PTPRF: variants seen among roughly 807,000 people sequenced by gnomAD.
The protein encoded by PTPRF is protein tyrosine phosphatase receptor type F, also known as receptor-type tyrosine-protein phosphatase F.
In PTPRF, 59 loss-of-function variants were observed where a neutral mutation model predicts 201.8. That is an observed-to-expected ratio of 0.29 (90% CI 0.24 to 0.36). PTPRF has a LOEUF of 0.36. Among genes scored for constraint, PTPRF ranks in the 10% least tolerant of loss-of-function variants. The probability of loss-of-function intolerance (pLI) is 1.00; values close to 1 mark genes in which losing one functional copy is unlikely to be tolerated. For missense variants in PTPRF, 2,132 were observed against 2,690.5 expected, an observed-to-expected ratio of 0.79 and a Z score of 4.59; for synonymous variants, 1,088 against 1,089.7, an observed-to-expected ratio of 1.00 and a Z score of 0.03.
At chr1:43,615,256 A>G (rs935074526) in intron 23 of PTPRF, among the ~76,000 whole-genome samples, 1 of 152,126 alleles carries the variant, frequency 6.6e-6, no homozygotes, top group African/African-American at 2.4e-5. Flanking sequence ...GCCCTGCTCC[A>G]CACAAGGCTG....
intron 1 of PTPRF, among the ~76,000 whole-genome samples, chr1:43,531,719 G>C (rs1025166257): frequency 2.0e-5 from 3 of 151,902 alleles, no homozygotes; most frequent in Admixed American, 6.5e-5. Context: ...GGCCGAACGG[G>C]CTGTACCCGC....
chr1:43,569,655 G>A lies in PTPRF; in HGVS notation c.445G>A (p.Ala149Thr), dbSNP rs1170631763. The change falls in exon 6 of 34, where the codon GCA (alanine) becomes ACA (threonine). Residue 149 changes from alanine (A) to threonine (T), a missense_variant. Transcript: ENST00000359947. ...MGPQLKVVEK[A>T]RTATMLCAAG... ...GCCTCAGCTGAAGGTGGTGGAGAAG[G>A]CACGCACAGCCACCATGCTATGTGC... The A allele has an allele frequency of 1.9e-6, 3 of 1,613,960 alleles. No homozygotes were observed. The highest frequency in any genetic ancestry group is 2.5e-6 in the Non-Finnish European group (3 of 1,179,888).
chr1:43,604,021 G>A lies in PTPRF; in HGVS notation c.2869G>A (p.Asp957Asn), dbSNP rs967562018. Residue 957 changes from aspartate to asparagine, a missense_variant, in exon 16 of 34, where the codon GAC (aspartate) becomes AAC (asparagine). Asp to Asn is a conservative substitution (Grantham distance 23). Around this residue, in one of 6 missense-constraint regions of PTPRF, gnomAD observed 818 missense variants for 915.3 expected, o/e 0.89. Transcript: ENST00000359947. ...RIISYTVVFR[D>N]INSQQELQNI... ...CATCAGCTACACCGTGGTGTTCCGA[G>A]ACATCAACAGCCAACAGGAGCTGCA... The A allele has an allele frequency of 6.2e-7, 1 of 1,614,222 alleles. No individual in the cohort carries two copies. The highest frequency in any genetic ancestry group is 8.5e-7 in the Non-Finnish European group (1 of 1,180,044).
intron 6 of PTPRF, among the ~76,000 whole-genome samples, chr1:43,574,361 A>T (rs1337861165): frequency 6.6e-6 from 1 of 152,144 alleles, no homozygotes. Flanking sequence ...ATTTTAAAAT[A>T]TTTATTAATG....
chr1:43,566,431 G>A (rs536940399), intron 5 of PTPRF, among the ~76,000 whole-genome samples: 1 of 152,222 alleles, frequency 6.6e-6, no homozygotes, highest in Non-Finnish European at 1.5e-5. Flanking sequence ...TTTCCCAGTT[G>A]TTGATGGGTT....
intron 6 of PTPRF, among the ~76,000 whole-genome samples, chr1:43,572,849 T>A (rs1436352083): frequency 6.6e-6 from 1 of 152,114 alleles, no homozygotes; most frequent in Non-Finnish European, 1.5e-5. Context: ...GGAGCTCCCC[T>A]GTGAGATCAC....
At position 43,552,374 on chromosome 1, in the gene PTPRF, A is replaced by G. The variant is rs1309975127; in HGVS notation, c.92-1118A>G. On this transcript the variant is annotated intron_variant, in intron 3 of 33. Coordinates refer to ENST00000359947, the MANE Select transcript of PTPRF (RefSeq NM_002840.5). ...GGTCCCAGATGTGCCCCTCACTGGC[A>G]TGTGATCTTGGACAAGTGACTTGAC... Among the ~76,000 whole-genome samples, 14 of 152,232 alleles carry G rather than the reference A, an allele frequency of 9.2e-5. No homozygotes were observed. In the East Asian group the frequency reaches 2.7e-3, roughly 29 times the overall value.
Position 43,604,118 on chromosome 1 carries a change from G to T in PTPRF, c.2966G>T (p.Arg989Leu). Residue 989 changes from arginine (R) to leucine (L), a missense_variant, in exon 16 of 34, where the codon CGC becomes CTC. This residue lies in a region of PTPRF where 818 missense variants were observed against 915.3 expected (regional missense o/e 0.89). Coordinates refer to ENST00000359947, the MANE Select transcript of PTPRF (RefSeq NM_002840.5). ...KPDTTYDIKV[R>L]AWTSKGSGPL... ...GACACCACTTACGACATCAAGGTCC[G>T]CGCATGGACCAGCAAAGGCTCTGGC... 1 of 1,614,184 alleles carries T rather than the reference G, an allele frequency of 6.2e-7. No homozygotes were observed. The highest frequency in any genetic ancestry group is 8.5e-7 in the Non-Finnish European group (1 of 1,180,044).
At chr1:43,598,989 T>TA in intron 13 of PTPRF, 76 bp downstream of exon 13, 1 of 1,470,946 alleles carries the variant, frequency 6.8e-7, no homozygotes, top group Non-Finnish European at 9.3e-7. Flanking sequence ...GGGGCCCAGA[T>TA]ATGTCCCTCT....
chr1:43,604,910 C>T lies in PTPRF; in HGVS notation c.3045C>T (p.Ala1015=). The stretch of plus-strand genomic sequence containing the variant: ...CTCTCTATGCCTTTGCAGTGTTTGC[C>T]AAGAACTTCCGGGTGGCGGCTGCAA... The part of the protein sequence containing the change: ...SRTMPVEQVF[A]KNFRVAAAMK... Residue 1015 remains alanine (A), a synonymous_variant, in exon 17 of 34, where the codon GCC becomes GCT. Coordinates refer to ENST00000359947, the MANE Select transcript of PTPRF (RefSeq NM_002840.5). 1 of 1,613,986 alleles carries T rather than the reference C, an allele frequency of 6.2e-7. No homozygotes were observed. The highest frequency in any genetic ancestry group is 8.5e-7 in the Non-Finnish European group (1 of 1,180,028).
At chr1:43,596,462 G>A (rs1389664178) in intron 11 of PTPRF, among the ~76,000 whole-genome samples, 1 of 151,920 alleles carries the variant, frequency 6.6e-6, no homozygotes, top group Non-Finnish European at 1.5e-5. Context: ...TCCTCGGTGG[G>A]CGTGGAGTCT....
intron 5 of PTPRF, among the ~76,000 whole-genome samples, chr1:43,568,156 G>A (rs1041145983): frequency 5.3e-5 from 8 of 152,100 alleles, no homozygotes; most frequent in Admixed American, 2.0e-4. Flanking sequence ...TTTGCCGGGC[G>A]TGGTGGTGGG....
intron 6 of PTPRF, among the ~76,000 whole-genome samples, chr1:43,574,403 T>C (rs1646787776): frequency 6.6e-6 from 1 of 152,184 alleles, no homozygotes; most frequent in Admixed American, 6.5e-5. Flanking sequence ...TATTATATAT[T>C]AGCATAAATA....
intron 6 of PTPRF, 150 bp from the exon 7 acceptor site, chr1:43,578,660 T>G (rs1006609759): frequency 1.3e-5 from 8 of 629,614 alleles, no homozygotes; most frequent in Non-Finnish European, 2.0e-5. Flanking sequence ...AGGGAGAGCT[T>G]CCTGGAAGCA....
intron 5 of PTPRF, among the ~76,000 whole-genome samples, chr1:43,558,602 A>G (rs1445435885): frequency 6.6e-6 from 1 of 152,160 alleles, no homozygotes; most frequent in Non-Finnish European, 1.5e-5. Flanking sequence ...TGAAGCCATT[A>G]GCGCGCCAGC....
At chr1:43,579,688 G>A (rs1647182766) in intron 7 of PTPRF, 1 of 178,206 alleles carries the variant, frequency 5.6e-6, no homozygotes, top group Non-Finnish European at 1.2e-5. Context: ...CACTGGGTCT[G>A]GTATACATGT....
intron 12 of PTPRF, 103 bp downstream of exon 12, chr1:43,598,156 CATCT>C: frequency 8.2e-7 from 1 of 1,225,932 alleles, no homozygotes; most frequent in Non-Finnish European, 1.1e-6. Context: ...CAGGTCAACT[CATCT>C]TTCTGGTTCA....
At chr1:43,523,656 G>C (rs1557638304), upstream of PTPRF, among the ~76,000 whole-genome samples, 1 of 152,210 alleles carries the variant, frequency 6.6e-6, no homozygotes, top group Non-Finnish European at 1.5e-5. Flanking sequence ...GTGTTTTGGG[G>C]AGATGTTGGG....
chr1:43,597,428 GTGAC>G (rs1295369538), intron 11 of PTPRF, among the ~76,000 whole-genome samples: 4 of 152,174 alleles, frequency 2.6e-5, no homozygotes, highest in African/African-American at 9.7e-5. Context: ...GACACAGCGT[GTGAC>G]TGTGTGAGAC....
Sources: gnomAD v4.1 joint callset for allele counts (sites outside exome capture counted in the v4.1 genomes callset) on GRCh38, gnomAD v4.1.1 for gene constraint, gnomAD v4.1.1 regional missense constraint, MANE v1.5 for transcripts, NCBI Gene and HGNC (gene_info 2026-07-23, HGNC 2026-07-21) for gene names.